TRAF2: variants seen among roughly 807,000 people sequenced by gnomAD.
TRAF2 encodes TNF receptor-associated factor 2.
In TRAF2, 6 loss-of-function variants were observed where a neutral mutation model predicts 55.6. The observed-to-expected ratio is 0.11, with a 90% CI of 0.06 to 0.21. The LOEUF (loss-of-function observed/expected upper bound fraction) is 0.21, where lower values mean the gene tolerates loss of function less well. Among genes scored for constraint, TRAF2 ranks in the 10% least tolerant of loss-of-function variants. TRAF2 has a pLI of 1.00. For synonymous variants in TRAF2, 329 were observed against 276.3 expected, an observed-to-expected ratio of 1.19 and a Z score of -1.89; for missense variants, 561 against 684.5, an observed-to-expected ratio of 0.82 and a Z score of 2.01.
chr9:136,916,814 T>A, intron 7 of TRAF2, 199 bp downstream of exon 7: 1 of 589,690 alleles, frequency 1.7e-6, no homozygotes, highest in East Asian at 3.0e-5. Flanking sequence ...CCTGGTGGCA[T>A]TGTAGTGCCT....
At chr9:136,890,848 AGCCG>A (rs1849567311) in intron 1 of TRAF2, among the ~76,000 whole-genome samples, 1 of 152,184 alleles carries the variant, frequency 6.6e-6, no homozygotes, top group South Asian at 2.1e-4. Flanking sequence ...CCGACCTTCC[AGCCG>A]TGTCAGGATG....
At chr9:136,883,017 C>G (rs902549204), upstream of TRAF2, among the ~76,000 whole-genome samples, 1 of 151,940 alleles carries the variant, frequency 6.6e-6, no homozygotes, top group Non-Finnish European at 1.5e-5. Context: ...ATTACAGGCA[C>G]CTGCCATCAT....
At chr9:136,914,539 C>CA (rs1850195582) in intron 6 of TRAF2, among the ~76,000 whole-genome samples, 1 of 152,214 alleles carries the variant, frequency 6.6e-6, no homozygotes, top group Admixed American at 6.5e-5. Flanking sequence ...TCAGTGACAG[C>CA]AGAGGGATCC....
At chr9:136,917,623 A>T (rs188280296) in intron 7 of TRAF2, among the ~76,000 whole-genome samples, 1 of 152,270 alleles carries the variant, frequency 6.6e-6, no homozygotes, top group Admixed American at 6.5e-5. Context: ...CTGGGCGGGC[A>T]CCTTCCTTGC....
chr9:136,898,696 T>C lies in TRAF2; in HGVS notation c.-28-17T>C. On this transcript the variant is annotated splice_polypyrimidine_tract_variant and intron_variant, in intron 1 of 10. Transcript: ENST00000247668. ...GTTCTGGAATTGAGGTGTAACGTGC[T>C]GTGTGTTCTTCCTTAGGGCTTTGTT... 6.2e-7 allele frequency: 1 copy of C among 1,611,220 alleles called. No individual in the cohort carries two copies. Among genetic ancestry groups the C allele is most frequent in the Non-Finnish European group, 8.5e-7 (1 of 1,179,728 alleles).
intron 4 of TRAF2, among the ~76,000 whole-genome samples, chr9:136,905,691 C>G (rs1042057807): frequency 2.6e-5 from 4 of 152,226 alleles, no homozygotes; most frequent in Non-Finnish European, 5.9e-5. Flanking sequence ...TAGCAGACTT[C>G]TCCCAAAAGA....
At chr9:136,911,269 T>C (rs1246021494) in intron 6 of TRAF2, among the ~76,000 whole-genome samples, 2 of 145,918 alleles carry the variant, frequency 1.4e-5, no homozygotes, top group Non-Finnish European at 1.5e-5. Flanking sequence ...CCCGTCTTTT[T>C]TTTTTTTTTT....
intron 5 of TRAF2, among the ~76,000 whole-genome samples, chr9:136,908,731 A>G (rs949229193): frequency 3.9e-5 from 6 of 152,120 alleles, no homozygotes; most frequent in African/African-American, 4.8e-5. Flanking sequence ...TTAGCTGGGC[A>G]TGGTGGCGGG....
Position 136,898,792 on chromosome 9 carries a change from G to GGCTTCTCCA in TRAF2, c.53_61dup (p.Ser20_Lys21insSerPheSer). ...TGGCTCCCTGGAGTTGCTACAGCCC[G>GGCTTCTCCA]GCTTCTCCAAGACCCTCCTGGGGAC... On this transcript the variant is annotated inframe_insertion, in exon 2 of 11. Transcript: ENST00000247668. 1 of 1,613,702 alleles carries GGCTTCTCCA rather than the reference G, an allele frequency of 6.2e-7. No homozygotes were observed. Among genetic ancestry groups the GGCTTCTCCA allele is most frequent in the Non-Finnish European group, 8.5e-7 (1 of 1,180,024 alleles).
chr9:136,917,307 T>A (rs1202600428), intron 7 of TRAF2, among the ~76,000 whole-genome samples: 1 of 152,226 alleles, frequency 6.6e-6, no homozygotes, highest in African/African-American at 2.4e-5. Context: ...TCTGCCCTGC[T>A]CGCTGGCCTG....
chr9:136,893,804 C>T (rs1335106385), intron 1 of TRAF2, among the ~76,000 whole-genome samples: 3 of 151,858 alleles, frequency 2.0e-5, no homozygotes, highest in Non-Finnish European at 4.4e-5. Flanking sequence ...GGCTGGAGTG[C>T]AGTGGTGCAA....
At chr9:136,901,346 A>G (rs1481621808) in intron 4 of TRAF2, among the ~76,000 whole-genome samples, 1 of 152,166 alleles carries the variant, frequency 6.6e-6, no homozygotes, top group East Asian at 1.9e-4. Context: ...CAGAGCCCAA[A>G]GGTAGAGGCA....
At chr9:136,911,264 C>CTTTTTTTTTTTTTTT (rs34077067) in intron 6 of TRAF2, among the ~76,000 whole-genome samples, 3 of 122,544 alleles carry the variant, frequency 2.4e-5, no homozygotes, top group African/African-American at 9.5e-5. Flanking sequence ...TCCTTCCCGT[C>CTTTTTTTTTTTTTTT]TTTTTTTTTT....
chr9:136,920,737 G>T (rs1297113965), intron 8 of TRAF2, among the ~76,000 whole-genome samples: 6 of 152,236 alleles, frequency 3.9e-5, no homozygotes. Flanking sequence ...CTAGAGGCCA[G>T]GCCGTGGGCA....
chr9:136,914,655 G>T (rs1850197913), intron 6 of TRAF2, among the ~76,000 whole-genome samples: 1 of 152,172 alleles, frequency 6.6e-6, no homozygotes, highest in Non-Finnish European at 1.5e-5. Flanking sequence ...GAAAGTCGTG[G>T]TTCCTGTTGA....
intron 6 of TRAF2, chr9:136,910,244 G>C: frequency 1.8e-6 from 1 of 566,504 alleles, no homozygotes; most frequent in East Asian, 2.9e-5. Flanking sequence ...TTACTTTTCA[G>C]CAGGTCACTT....
Position 136,926,244 on chromosome 9 carries a change from A to G in TRAF2, c.*343A>G, listed in dbSNP as rs1692224134. The G allele has an allele frequency of 2.4e-6, 1 of 424,570 alleles. No homozygotes were observed. Among genetic ancestry groups the G allele is most frequent in the Non-Finnish European group, 4.5e-6 (1 of 221,492 alleles). 26.3% of individuals were successfully genotyped at this position (424,570 alleles called of 1,614,324 possible). On this transcript the variant is annotated 3_prime_UTR_variant, in exon 11 of 11. Transcript: ENST00000247668. The stretch of plus-strand genomic sequence containing the variant: ...TGGGGGACACTCAGAGTGGGAGCAC[A>G]TCCCAGCAGTGCCCATGTAGCAGGA...
chr9:136,899,814 C>T (rs750644563), intron 3 of TRAF2, 142 bp downstream of exon 3: 8 of 731,174 alleles, frequency 1.1e-5, no homozygotes, highest in African/African-American at 1.8e-5. Flanking sequence ...TGCTTGAGTC[C>T]AGGAGTTTGA....
Position 136,900,537 on chromosome 9 carries a change from G to A in TRAF2, c.366+17G>A, listed in dbSNP as rs1849794528. 1.2e-6 allele frequency: 2 copies of A among 1,604,986 alleles called. No homozygotes were observed. The highest frequency in any genetic ancestry group is 1.7e-6 in the Non-Finnish European group (2 of 1,171,950). On this transcript the variant is annotated intron_variant, in intron 4 of 10. Coordinates refer to ENST00000247668, the MANE Select transcript of TRAF2 (RefSeq NM_021138.4). ...GAATACGAGGTAAAGATGCCTGCGT[G>A]TGGCATGGTGACAGAAGCTCCAGCA... is the stretch of plus-strand genomic sequence containing the variant.
Sources: allele counts gnomAD v4.1 joint callset (sites outside exome capture counted in the v4.1 genomes callset), GRCh38; gene constraint gnomAD v4.1.1; transcripts MANE v1.5; gene names NCBI Gene and HGNC (gene_info 2026-07-23, HGNC 2026-07-21).